The following PCDHGA1 variants were observed in gnomAD, a reference collection of about 807,000 sequenced individuals.
The protein encoded by PCDHGA1 is protocadherin gamma subfamily A, 1, also known as protocadherin gamma-A1.
Under a neutral mutation model 58.0 loss-of-function variants are expected in PCDHGA1, and 32 were observed. The observed-to-expected ratio is 0.55, with a 90% CI of 0.42 to 0.74. The LOEUF (loss-of-function observed/expected upper bound fraction) is 0.74, where lower values mean the gene tolerates loss of function less well. Ranked by LOEUF, PCDHGA1 falls within the 30% of genes least tolerant of loss-of-function variation. The pLI is 0.00. For synonymous variants in PCDHGA1, 498 were observed against 501.1 expected, an observed-to-expected ratio of 0.99 and a Z score of 0.08; for missense variants, 1,205 against 1,182.3, an observed-to-expected ratio of 1.02 and a Z score of -0.28.
Position 141,393,014 on chromosome 5 carries a change from C to T in PCDHGA1, c.2421+59909C>T, listed in dbSNP as rs761990025. The T allele has an allele frequency of 1.9e-6, 3 of 1,613,736 alleles. No homozygotes were observed. The African/African-American group carries it at 4.0e-5, about 22-fold the overall frequency. On this transcript the variant is annotated intron_variant, in intron 1 of 3. Transcript: ENST00000517417. ...TGGCGAAGCACGGAGTCCGTATCGT[C>T]TCCAGAGGTAGGACGCAGCTCTTTG... is the stretch of plus-strand genomic sequence containing the variant.
At chr5:141,450,225 C>A (rs1294362576) in intron 1 of PCDHGA1, among the ~76,000 whole-genome samples, 1 of 151,976 alleles carries the variant, frequency 6.6e-6, no homozygotes, top group Non-Finnish European at 1.5e-5. Flanking sequence ...ACTATGTTGG[C>A]CAGGCTAGTC....
chr5:141,417,910 A>G (rs1339671115), intron 1 of PCDHGA1: 2 of 1,599,246 alleles, frequency 1.3e-6, no homozygotes, highest in East Asian at 2.3e-5. Flanking sequence ...GGCAGGTACT[A>G]TTTCCTTTGC....
chr5:141,426,596 C>T (rs1408090148), intron 1 of PCDHGA1: 9 of 377,102 alleles, frequency 2.4e-5, no homozygotes, highest in Middle Eastern at 3.9e-4. Context: ...GTGTCATACC[C>T]TTAGAGATTG....
intron 1 of PCDHGA1, chr5:141,384,244 C>A (rs768651416): frequency 1.2e-5 from 20 of 1,613,710 alleles, no homozygotes; most frequent in Non-Finnish European, 1.7e-5. Flanking sequence ...CAACGATAAC[C>A]CACCCACCTT....
chr5:141,350,114 C>G, intron 1 of PCDHGA1: 1 of 569,488 alleles, frequency 1.8e-6, no homozygotes. Flanking sequence ...CCTGCTTTGT[C>G]CGGTGCACTG....
chr5:141,450,828 TA>T lies in PCDHGA1; in HGVS notation c.2422-43978del, dbSNP rs1427656987. Among the ~76,000 whole-genome samples the T allele has an allele frequency of 7.8e-4, 110 of 141,058 alleles. 1 individual carries two copies. The highest frequency in any genetic ancestry group is 1.8e-3 in the African/African-American group (65 of 36,868). The allele number at this position is 141,058 out of a possible 152,430, so 92.5% of individuals were successfully genotyped here. A position where few individuals can be genotyped will look rare whatever the true frequency, so the allele number is the denominator to read the frequency against. ...TTTATTTATTTAATATTATTATTAT[TA>T]TTTTTTTTTTTTTGAGATGGGGTCT... On this transcript the variant is annotated intron_variant, in intron 1 of 3. Transcript: ENST00000517417.
In PCDHGA1 at chr5:141,384,194, T is replaced by A. The variant is rs763395046; in HGVS notation, c.2421+51089T>A. 4.3e-6 allele frequency: 7 copies of A among 1,613,674 alleles called. No homozygotes were observed. In the East Asian group the frequency reaches 1.3e-4, roughly 31 times the overall value. ...GCCACAGATGGTGGAACTCCTCCCT[T>A]GTCCAGGGAAACTCACATATTCATG... On this transcript the variant is annotated intron_variant, in intron 1 of 3. Transcript: ENST00000517417.
At chr5:141,357,161 T>C in intron 1 of PCDHGA1, 1 of 1,613,630 alleles carries the variant, frequency 6.2e-7, no homozygotes, top group East Asian at 2.2e-5. Context: ...CAGCCCCCTC[T>C]CTCGGCCACC....
intron 1 of PCDHGA1, chr5:141,383,840 T>G: frequency 1.2e-6 from 2 of 1,613,952 alleles, no homozygotes; most frequent in South Asian, 2.2e-5. Flanking sequence ...GAAACTGCCT[T>G]CTATGAAATG....
Position 141,486,253 on chromosome 5 carries a change from C to A in PCDHGA1, c.2422-8554C>A. The A allele has an allele frequency of 6.2e-7, 1 of 1,614,138 alleles. No individual in the cohort carries two copies. Among genetic ancestry groups the A allele is most frequent in the Non-Finnish European group, 8.5e-7 (1 of 1,180,006 alleles). On this transcript the variant is annotated intron_variant, in intron 1 of 3. Transcript: ENST00000517417. This position sits in a 1 kb window ranked among gnomAD's most constrained non-coding sequence, Gnocchi z 5.0. ...TGACCTCAGAGCTTGGAACCCTCCC[C>A]GAGAGTGCAGAACCTGGCACTGTGG...
At chr5:141,446,049 G>T (rs1043671484) in intron 1 of PCDHGA1, among the ~76,000 whole-genome samples, 1 of 152,100 alleles carries the variant, frequency 6.6e-6, no homozygotes, top group African/African-American at 2.4e-5. Context: ...AAGAAGAGCT[G>T]GCTTGGATTA....
chr5:141,430,433 T>C (rs1371764261), intron 1 of PCDHGA1, among the ~76,000 whole-genome samples: 2 of 151,080 alleles, frequency 1.3e-5, no homozygotes, highest in Admixed American at 6.6e-5. Context: ...ATACGGTAGA[T>C]TTCCATCCCC....
At chr5:141,455,537 A>G (rs1158681837) in intron 1 of PCDHGA1, among the ~76,000 whole-genome samples, 2 of 152,162 alleles carry the variant, frequency 1.3e-5, no homozygotes, top group Non-Finnish European at 2.9e-5. Flanking sequence ...CAGGCATATC[A>G]TTCACGTAGC....
At chr5:141,350,108 C>T in intron 1 of PCDHGA1, 1 of 536,896 alleles carries the variant, frequency 1.9e-6, no homozygotes, top group Non-Finnish European at 2.9e-6. Flanking sequence ...TGCCTTCCTG[C>T]TTTGTCCGGT....
intron 1 of PCDHGA1, chr5:141,415,325 C>G: frequency 6.2e-7 from 1 of 1,614,212 alleles, no homozygotes; most frequent in Non-Finnish European, 8.5e-7. Flanking sequence ...GTGCTGCTGG[C>G]GCACAGGCTG....
At chr5:141,374,363 G>T (rs1770422956) in intron 1 of PCDHGA1, 2 of 1,613,916 alleles carry the variant, frequency 1.2e-6, no homozygotes, top group African/African-American at 2.7e-5. Flanking sequence ...AGACCGCGAG[G>T]AGCTCTGTGC....
At position 141,404,057 on chromosome 5, in the gene PCDHGA1, T is replaced by G. The variant is rs558471539; in HGVS notation, c.2421+70952T>G. ...ACCTCAGGGAACAGTAATTCTTCTT[T>G]TCAATGCTCATGACCGAGACTCCGG... On this transcript the variant is annotated intron_variant, in intron 1 of 3. Coordinates refer to ENST00000517417, the MANE Select transcript of PCDHGA1 (RefSeq NM_018912.3). 9.5e-5 allele frequency: 154 copies of G among 1,613,894 alleles called. No individual in the cohort carries two copies. The East Asian group carries it at 3.4e-3, about 36-fold the overall frequency.
At chr5:141,500,223 T>TATTG (rs1554186512) in intron 2 of PCDHGA1, among the ~76,000 whole-genome samples, 5 of 145,410 alleles carry the variant, frequency 3.4e-5, no homozygotes, top group African/African-American at 5.2e-5. Context: ...TTTATTTATT[T>TATTG]ATTGATACGT....
chr5:141,512,555 A>C lies in PCDHGA1; in HGVS notation c.*1382A>C, dbSNP rs1294402882. 2.6e-5 allele frequency: 4 copies of C among 152,986 alleles called. No individual in the cohort carries two copies. The highest frequency in any genetic ancestry group is 9.6e-5 in the African/African-American group (4 of 41,472). 9.5% of individuals were successfully genotyped at this position (152,986 alleles called of 1,614,324 possible). A position where few individuals can be genotyped will look rare whatever the true frequency, so the allele number is the denominator to read the frequency against. ...AGTTCCCCAGTGCCTCCTTGTGCAT[A>C]GACCTTCTTCTCCCACCCCCTTCTG... On this transcript the variant is annotated 3_prime_UTR_variant, in exon 4 of 4. Transcript: ENST00000517417.
Sources: allele counts gnomAD v4.1 joint callset (sites outside exome capture counted in the v4.1 genomes callset), GRCh38; gene constraint gnomAD v4.1.1; non-coding constraint Gnocchi (gnomAD v3.1); transcripts MANE v1.5; gene names NCBI Gene and HGNC (gene_info 2026-07-23, HGNC 2026-07-21).